ALK: variants seen among roughly 807,000 people sequenced by gnomAD.
ALK encodes the protein ALK tyrosine kinase receptor.
In ALK, 74 loss-of-function variants were observed where a neutral mutation model predicts 163.1. The ratio of observed to expected loss-of-function variants is 0.45; its 90% confidence interval spans 0.38 to 0.55. The LOEUF (loss-of-function observed/expected upper bound fraction) is 0.55, where lower values mean the gene tolerates loss of function less well. Among genes scored for constraint, ALK ranks in the 20% least tolerant of loss-of-function variants. The pLI is 0.00. For synonymous variants in ALK, 960 were observed against 843.2 expected (o/e 1.14, Z -2.40); for missense variants, 2,063 against 2,105.3 (o/e 0.98, Z 0.39).
At chr2:29,504,703 A>G (rs1672269479) in intron 4 of ALK, among the ~76,000 whole-genome samples, 1 of 152,144 alleles carries the variant, frequency 6.6e-6, no homozygotes, top group South Asian at 2.1e-4. Flanking sequence ...GAGAAATGAG[A>G]GAGACCTCGA....
intron 5 of ALK, among the ~76,000 whole-genome samples, chr2:29,364,447 C>T (rs1016613510): frequency 1.3e-5 from 2 of 152,162 alleles, no homozygotes; most frequent in Non-Finnish European, 2.9e-5. Context: ...GACCCTGGCA[C>T]ACTTGCAGCA....
At chr2:29,800,593 T>C (rs887406112) in intron 1 of ALK, among the ~76,000 whole-genome samples, 2 of 151,984 alleles carry the variant, frequency 1.3e-5, no homozygotes, top group Non-Finnish European at 2.9e-5. Context: ...AGGATTAGGG[T>C]ACCCAGGAAT....
intron 9 of ALK, among the ~76,000 whole-genome samples, chr2:29,291,845 C>T (rs887530811): frequency 8.5e-5 from 13 of 152,168 alleles, no homozygotes; most frequent in East Asian, 3.8e-4. Flanking sequence ...TAATAAAAGA[C>T]GCTCTTCAAT....
intron 1 of ALK, among the ~76,000 whole-genome samples, chr2:29,833,119 C>T (rs535913163): frequency 1.3e-5 from 2 of 152,296 alleles, no homozygotes; most frequent in South Asian, 4.2e-4. Context: ...GACCTCCGGA[C>T]TCCGGCCACA....
chr2:29,253,199 T>C (rs1374515308), intron 11 of ALK, among the ~76,000 whole-genome samples: 1 of 152,174 alleles, frequency 6.6e-6, no homozygotes, highest in Non-Finnish European at 1.5e-5. Context: ...TAATTCAGAC[T>C]CTTTATAGAA....
intron 1 of ALK, among the ~76,000 whole-genome samples, chr2:29,742,203 G>A (rs559098017): frequency 1.3e-5 from 2 of 152,378 alleles, no homozygotes; most frequent in Admixed American, 6.5e-5. Context: ...AAAATGCAGG[G>A]ACAGGTCCAT....
intron 3 of ALK, among the ~76,000 whole-genome samples, chr2:29,539,770 T>A (rs1351771067): frequency 6.6e-6 from 1 of 152,196 alleles, no homozygotes. Flanking sequence ...AATGACTTCT[T>A]TTTGTTTGAA....
chr2:29,678,440 C>A (rs545759552), intron 3 of ALK, among the ~76,000 whole-genome samples: 1 of 151,240 alleles, frequency 6.6e-6, no homozygotes, highest in South Asian at 2.1e-4. Context: ...CAAAGCTATA[C>A]TTTTTTTTCT....
intron 6 of ALK, among the ~76,000 whole-genome samples, chr2:29,326,014 A>G (rs181908390): frequency 1.3e-5 from 2 of 152,294 alleles, no homozygotes; most frequent in African/African-American, 4.8e-5. Context: ...CTAAGATCTG[A>G]GTGGGAATAA....
At chr2:29,263,854 G>A (rs1367725031) in intron 11 of ALK, among the ~76,000 whole-genome samples, 2 of 152,184 alleles carry the variant, frequency 1.3e-5, no homozygotes, top group Non-Finnish European at 2.9e-5. Context: ...ATTAACATCA[G>A]CAGTCATCTA....
chr2:29,412,051 C>G (rs1669737291), intron 4 of ALK, among the ~76,000 whole-genome samples: 1 of 152,252 alleles, frequency 6.6e-6, no homozygotes, highest in South Asian at 2.1e-4. Context: ...AATAGCCTGT[C>G]CAGGTAGTAG....
At chr2:29,690,602 C>A (rs1678367889) in intron 3 of ALK, among the ~76,000 whole-genome samples, 1 of 152,174 alleles carries the variant, frequency 6.6e-6, no homozygotes, top group African/African-American at 2.4e-5. Flanking sequence ...TCACAGAATG[C>A]CTCCATCTGA....
intron 8 of ALK, among the ~76,000 whole-genome samples, chr2:29,300,565 A>AAAAAG: frequency 6.6e-6 from 1 of 151,782 alleles, no homozygotes; most frequent in African/African-American, 2.4e-5. Context: ...AAAAAAAAAA[A>AAAAAG]AAAAAAAAAT....
rs373860309 is a variant in ALK, at chr2:29,587,537, T to C, written c.953-55421A>G. On this transcript the variant is annotated intron_variant, in intron 3 of 28. Transcript: ENST00000389048. ...AAGGTCCAGGCCCCTAAAAAACCCTTCTCTTTTTAGTTCAAGTCACATGCT... is the reference window on the plus strand; with the variant it reads ...AAGGTCCAGGCCCCTAAAAAACCCTCCTCTTTTTAGTTCAAGTCACATGCT... Among the ~76,000 whole-genome samples the C allele has an allele frequency of 2.2e-5, 3 of 135,966 alleles. 1 individual carries two copies. Among genetic ancestry groups the C allele is most frequent in the East Asian group, 3.9e-4 (2 of 5,186 alleles). 89.2% of individuals were successfully genotyped at this position (135,966 alleles called of 152,430 possible). A position where few individuals can be genotyped will look rare whatever the true frequency, so the allele number is the denominator to read the frequency against.
chr2:29,444,206 CCTCTT>C (rs1287990590), intron 4 of ALK, among the ~76,000 whole-genome samples: 1 of 152,112 alleles, frequency 6.6e-6, no homozygotes, highest in African/African-American at 2.4e-5. Context: ...TGAACTCTCC[CCTCTT>C]CTCTTTTATT....
chr2:29,582,309 C>T (rs1231649966), intron 3 of ALK, among the ~76,000 whole-genome samples: 2 of 152,212 alleles, frequency 1.3e-5, no homozygotes, highest in Non-Finnish European at 2.9e-5. Flanking sequence ...CAAAATCCTA[C>T]AAGAATGGGT....
At chr2:29,684,774 C>A (rs528890686) in intron 3 of ALK, among the ~76,000 whole-genome samples, 11 of 152,214 alleles carry the variant, frequency 7.2e-5, no homozygotes, top group Non-Finnish European at 1.6e-4. Flanking sequence ...CTGGGAAGCA[C>A]TGTGCTTTAA....
intron 3 of ALK, among the ~76,000 whole-genome samples, chr2:29,589,926 C>G (rs975289125): frequency 6.6e-6 from 1 of 152,200 alleles, no homozygotes; most frequent in Non-Finnish European, 1.5e-5. Context: ...CCCTCTAGCA[C>G]GCTTGTCAAA....
chr2:29,528,763 TC>T (rs1673030350), intron 4 of ALK, among the ~76,000 whole-genome samples: 1 of 152,198 alleles, frequency 6.6e-6, no homozygotes, highest in Non-Finnish European at 1.5e-5. Flanking sequence ...ATAAGTATTA[TC>T]CTATTCATTC....
Sources: gnomAD v4.1 joint callset for allele counts (sites outside exome capture counted in the v4.1 genomes callset) on GRCh38, gnomAD v4.1.1 for gene constraint, MANE v1.5 for transcripts, NCBI Gene and HGNC (gene_info 2026-07-23, HGNC 2026-07-21) for gene names.